Variants in MAPKAP1 observed in about 807,000 individuals in gnomAD.
MAPKAP1 encodes target of rapamycin complex 2 subunit MAPKAP1.
Under a neutral mutation model 65.7 loss-of-function variants are expected in MAPKAP1, and 20 were observed. The observed-to-expected ratio is 0.30, with a 90% CI of 0.21 to 0.44. The LOEUF (loss-of-function observed/expected upper bound fraction) is 0.44, where lower values mean the gene tolerates loss of function less well. Among genes scored for constraint, MAPKAP1 ranks in the 20% least tolerant of loss-of-function variants. The probability of loss-of-function intolerance (pLI) is 1.00; values close to 1 mark genes in which losing one functional copy is unlikely to be tolerated. For missense variants in MAPKAP1, 423 were observed against 648.0 expected (o/e 0.65, Z 3.77); for synonymous variants, 222 against 244.3 (o/e 0.91, Z 0.85).
At chr9:125,555,547 G>A (rs1199036416) in intron 6 of MAPKAP1, among the ~76,000 whole-genome samples, 2 of 152,236 alleles carry the variant, frequency 1.3e-5, no homozygotes, top group African/African-American at 4.8e-5. Flanking sequence ...GTATTTGAAA[G>A]GCAGGAACGG....
intron 7 of MAPKAP1, among the ~76,000 whole-genome samples, chr9:125,530,823 A>T (rs1334230056): frequency 6.6e-6 from 1 of 152,254 alleles, no homozygotes; most frequent in Non-Finnish European, 1.5e-5. Context: ...TGGATAGAAA[A>T]GGAAGTAAAC....
At chr9:125,636,682 G>GTTT (rs1205569121) in intron 4 of MAPKAP1, among the ~76,000 whole-genome samples, 1 of 152,162 alleles carries the variant, frequency 6.6e-6, no homozygotes, top group East Asian at 1.9e-4. Context: ...AACATGCCTT[G>GTTT]GTCATCTGTT....
At chr9:125,528,633 G>A (rs1250394052) in intron 7 of MAPKAP1, among the ~76,000 whole-genome samples, 1 of 152,076 alleles carries the variant, frequency 6.6e-6, no homozygotes, top group East Asian at 1.9e-4. Context: ...TGGATCACGA[G>A]GTCAGGAGTT....
intron 1 of MAPKAP1, among the ~76,000 whole-genome samples, chr9:125,689,472 C>T (rs1180889857): frequency 7.3e-6 from 1 of 137,086 alleles, no homozygotes; most frequent in Non-Finnish European, 1.5e-5. Context: ...ACAGGCCAGG[C>T]ACAGTGGCTC....
intron 5 of MAPKAP1, among the ~76,000 whole-genome samples, chr9:125,575,925 C>T (rs548230696): frequency 2.6e-5 from 4 of 152,232 alleles, no homozygotes; most frequent in Non-Finnish European, 5.9e-5. Flanking sequence ...TCATAATTCC[C>T]AAAAATTAGA....
Position 125,593,285 on chromosome 9 carries a change from C to T in MAPKAP1, c.499-7558G>A, listed in dbSNP as rs186532185. Among the ~76,000 whole-genome samples, 6 of 151,486 alleles carry T rather than the reference C, an allele frequency of 4.0e-5. 1 individual carries two copies. Among genetic ancestry groups the T allele is most frequent in the Non-Finnish European group, 8.8e-5 (6 of 67,842 alleles). On this transcript the variant is annotated intron_variant, in intron 4 of 11. Transcript: ENST00000265960. ...TGCCACTGCACTCCAACCTGGGTGA[C>T]AGAGTGAGACTGTCTCAAAAAAAGA...
At chr9:125,693,683 ACACG>A (rs1835268465) in intron 1 of MAPKAP1, among the ~76,000 whole-genome samples, 2 of 119,326 alleles carry the variant, frequency 1.7e-5, no homozygotes, top group South Asian at 4.6e-4. Context: ...ACGTATATAT[ACACG>A]TATATATACA....
intron 4 of MAPKAP1, chr9:125,596,142 G>A (rs1438324316): frequency 1.5e-5 from 12 of 779,994 alleles, no homozygotes; most frequent in Non-Finnish European, 2.8e-5. Context: ...CGACTCCGTG[G>A]ATAAGACTGT....
At chr9:125,504,949 C>T (rs1829094508) in intron 8 of MAPKAP1, among the ~76,000 whole-genome samples, 2 of 152,224 alleles carry the variant, frequency 1.3e-5, no homozygotes, top group South Asian at 4.1e-4. Context: ...TAGTCTACAG[C>T]AGATCTATAT....
intron 9 of MAPKAP1, among the ~76,000 whole-genome samples, 167 bp downstream of exon 9, chr9:125,484,276 A>C (rs1014853483): frequency 6.6e-6 from 1 of 152,258 alleles, no homozygotes; most frequent in Non-Finnish European, 1.5e-5. Context: ...CAGAGCACTC[A>C]AGTGGGAAAA....
chr9:125,657,601 C>G, intron 4 of MAPKAP1, 50 bp downstream of exon 4: 1 of 1,481,816 alleles, frequency 6.7e-7, no homozygotes, highest in South Asian at 1.3e-5. Flanking sequence ...AACAACAACT[C>G]CACTCAATTA....
intron 9 of MAPKAP1, chr9:125,471,968 A>G (rs1325531559): frequency 1.3e-5 from 2 of 152,290 alleles, no homozygotes; most frequent in Non-Finnish European, 2.9e-5. Context: ...CACTGTGTGC[A>G]TGGACTCAGA....
chr9:125,500,150 G>T (rs1828928973), intron 8 of MAPKAP1, among the ~76,000 whole-genome samples: 1 of 152,090 alleles, frequency 6.6e-6, no homozygotes, highest in African/African-American at 2.4e-5. Context: ...ACTAATGTTT[G>T]TTATCATTTG....
chr9:125,616,725 C>A (rs1226955563), intron 4 of MAPKAP1, among the ~76,000 whole-genome samples: 1 of 148,796 alleles, frequency 6.7e-6, no homozygotes, highest in Non-Finnish European at 1.5e-5. Context: ...GCTGGAGGGG[C>A]ACACATGGGA....
intron 9 of MAPKAP1, among the ~76,000 whole-genome samples, chr9:125,476,501 G>A (rs1273948545): frequency 6.6e-6 from 1 of 152,034 alleles, no homozygotes; most frequent in Non-Finnish European, 1.5e-5. Context: ...CTAAGAACAC[G>A]CATGTTCAGA....
At chr9:125,443,742 C>T (rs1274975078) in intron 11 of MAPKAP1, among the ~76,000 whole-genome samples, 2 of 145,802 alleles carry the variant, frequency 1.4e-5, no homozygotes, top group Non-Finnish European at 3.0e-5. Flanking sequence ...CCTGCCTTGC[C>T]TCAGCCCATT....
chr9:125,697,711 C>T (rs544075880), intron 1 of MAPKAP1, among the ~76,000 whole-genome samples: 1 of 152,254 alleles, frequency 6.6e-6, no homozygotes, highest in South Asian at 2.1e-4. Context: ...AATGGAATTA[C>T]AAGCTCAAAA....
At chr9:125,620,035 G>A (rs532932680) in intron 4 of MAPKAP1, among the ~76,000 whole-genome samples, 6 of 152,246 alleles carry the variant, frequency 3.9e-5, no homozygotes, top group African/African-American at 1.4e-4. Context: ...TGGGCCGGGT[G>A]CAACGGCTCA....
chr9:125,693,713 ATATACACG>A (rs1835278781), intron 1 of MAPKAP1, among the ~76,000 whole-genome samples: 1 of 70,624 alleles, frequency 1.4e-5, no homozygotes. Flanking sequence ...ATATACACAT[ATATACACG>A]TATATACACA....
Sources: gnomAD v4.1 joint callset for allele counts (sites outside exome capture counted in the v4.1 genomes callset) on GRCh38, gnomAD v4.1.1 for gene constraint, MANE v1.5 for transcripts, NCBI Gene and HGNC (gene_info 2026-07-23, HGNC 2026-07-21) for gene names.